Variants in SPECC1 observed in about 807,000 individuals in gnomAD.
The protein encoded by SPECC1 is sperm antigen with calponin homology and coiled-coil domains 1.
Under a neutral mutation model 104.1 loss-of-function variants are expected in SPECC1, and 62 were observed. The ratio of observed to expected loss-of-function variants is 0.60; its 90% CI spans 0.49 to 0.74. SPECC1 has a LOEUF of 0.74. Ranked by LOEUF, SPECC1 falls within the 30% of genes least tolerant of loss-of-function variation. The pLI is 0.00. For synonymous variants in SPECC1, 513 were observed against 501.6 expected, an observed-to-expected ratio of 1.02 and a Z score of -0.30; for missense variants, 1,306 against 1,310.5, an observed-to-expected ratio of 1.00 and a Z score of 0.05.
At chr17:20,185,109 C>CT (rs929489731) in intron 3 of SPECC1, 2 of 152,334 alleles carry the variant, frequency 1.3e-5, no homozygotes, top group Non-Finnish European at 2.9e-5. Flanking sequence ...AATAGAGACA[C>CT]TTGAATGAAT....
intron 1 of SPECC1, among the ~76,000 whole-genome samples, chr17:20,057,993 T>C (rs9892588): frequency 0.023 from 3,546 of 152,256 alleles, 140 homozygotes; most frequent in African/African-American, 0.079. Flanking sequence ...CTCGTGGAGA[T>C]TTAGCTGCCT....
At chr17:20,307,855 G>A (rs2041813198) in intron 14 of SPECC1, among the ~76,000 whole-genome samples, 1 of 152,146 alleles carries the variant, frequency 6.6e-6, no homozygotes, top group Non-Finnish European at 1.5e-5. Context: ...TTTATCTCAA[G>A]CAGGATGAAT....
chr17:20,068,992 G>A (rs1460649283), intron 1 of SPECC1, among the ~76,000 whole-genome samples: 5 of 152,034 alleles, frequency 3.3e-5, no homozygotes, highest in African/African-American at 4.8e-5. Flanking sequence ...AGGTTCAGGG[G>A]TACATGTGAA....
chr17:20,051,408 C>G (rs1339675857), intron 1 of SPECC1, among the ~76,000 whole-genome samples: 1 of 152,088 alleles, frequency 6.6e-6, no homozygotes, highest in East Asian at 1.9e-4. Context: ...CTCTTGACCT[C>G]AAGTGATCTG....
chr17:20,273,464 CAAA>C (rs10708984), intron 12 of SPECC1, among the ~76,000 whole-genome samples: 6 of 144,414 alleles, frequency 4.2e-5, no homozygotes, highest in South Asian at 2.2e-4. Context: ...GAGACTCTGT[CAAA>C]AAAAAAAAAA....
At chr17:20,311,384 GTT>G (rs201188901) in intron 14 of SPECC1, among the ~76,000 whole-genome samples, 6 of 127,144 alleles carry the variant, frequency 4.7e-5, no homozygotes, top group African/African-American at 2.1e-4. Flanking sequence ...TTTTTTTTTT[GTT>G]TTTGTTTTTG....
At chr17:20,299,509 A>T (rs2041488974) in intron 13 of SPECC1, among the ~76,000 whole-genome samples, 1 of 145,312 alleles carries the variant, frequency 6.9e-6, no homozygotes, top group South Asian at 2.2e-4. Context: ...GTAGCAAGCC[A>T]TGATTGTACC....
At chr17:20,067,604 T>G (rs2046403309) in intron 1 of SPECC1, among the ~76,000 whole-genome samples, 1 of 152,264 alleles carries the variant, frequency 6.6e-6, no homozygotes, top group East Asian at 1.9e-4. Context: ...CTTTCTCTAT[T>G]GAGATGCCAT....
chr17:20,221,964 G>T (rs2037903204), intron 4 of SPECC1, among the ~76,000 whole-genome samples: 1 of 148,912 alleles, frequency 6.7e-6, no homozygotes, highest in Non-Finnish European at 1.5e-5. Context: ...TCCTCTTTGT[G>T]ATTTCTAGTT....
At chr17:20,052,636 A>G (rs2152462571) in intron 1 of SPECC1, among the ~76,000 whole-genome samples, 1 of 152,312 alleles carries the variant, frequency 6.6e-6, no homozygotes, top group Admixed American at 6.5e-5. Flanking sequence ...ACTGATGGAG[A>G]TTTCCATAGA....
chr17:20,301,808 C>T (rs566763979), intron 13 of SPECC1, among the ~76,000 whole-genome samples: 3 of 152,210 alleles, frequency 2.0e-5, no homozygotes, highest in South Asian at 4.2e-4. Context: ...CAAGTCCAAG[C>T]GATTCTCCTG....
intron 2 of SPECC1, among the ~76,000 whole-genome samples, chr17:20,105,081 A>G (rs1320292896): frequency 6.6e-6 from 1 of 151,902 alleles, no homozygotes; most frequent in African/African-American, 2.4e-5. Context: ...AGATACGCCA[A>G]CTGCTTTCTC....
chr17:20,176,699 A>G (rs2034496875), intron 3 of SPECC1, among the ~76,000 whole-genome samples: 1 of 151,956 alleles, frequency 6.6e-6, no homozygotes, highest in Non-Finnish European at 1.5e-5. Flanking sequence ...TTCCCTCTTC[A>G]GAGTATATTG....
At chr17:20,197,861 C>T (rs1424789065) in intron 3 of SPECC1, among the ~76,000 whole-genome samples, 1 of 152,216 alleles carries the variant, frequency 6.6e-6, no homozygotes, top group Non-Finnish European at 1.5e-5. Context: ...ACAAAATACA[C>T]CAGCTTAAGA....
intron 13 of SPECC1, among the ~76,000 whole-genome samples, chr17:20,299,945 G>T (rs1042616752): frequency 1.3e-5 from 2 of 152,210 alleles, no homozygotes; most frequent in Non-Finnish European, 2.9e-5. Flanking sequence ...GGGATGATGG[G>T]AATGTTGTGT....
At chr17:20,156,260 C>T in intron 3 of SPECC1, 1 of 1,327,866 alleles carries the variant, frequency 7.5e-7, no homozygotes, top group Non-Finnish European at 9.6e-7. Context: ...GCGGGGGTCG[C>T]GCCGCAGCCG....
chr17:20,174,517 T>A (rs751698354), intron 3 of SPECC1, among the ~76,000 whole-genome samples: 25 of 152,116 alleles, frequency 1.6e-4, no homozygotes, highest in Non-Finnish European at 3.4e-4. Flanking sequence ...TGGATGCAGC[T>A]GCGATAGCTG....
intron 1 of SPECC1, among the ~76,000 whole-genome samples, chr17:20,021,679 T>C (rs1364819212): frequency 7.7e-5 from 11 of 141,960 alleles, no homozygotes; most frequent in Admixed American, 2.9e-4. Context: ...ATATATAATA[T>C]AATAATATAT....
intron 3 of SPECC1, among the ~76,000 whole-genome samples, chr17:20,114,491 G>A (rs79878159): frequency 1.5e-5 from 2 of 134,228 alleles, no homozygotes; most frequent in Non-Finnish European, 3.2e-5. Flanking sequence ...CGCCCAGCCT[G>A]TTTTTTTTTT....
Sources: gnomAD v4.1 joint callset for allele counts (sites outside exome capture counted in the v4.1 genomes callset) on GRCh38, gnomAD v4.1.1 for gene constraint, MANE v1.5 for transcripts, NCBI Gene and HGNC (gene_info 2026-07-23, HGNC 2026-07-21) for gene names.